The following RNF216 variants were observed in gnomAD, a reference collection of about 807,000 sequenced individuals.
The protein encoded by RNF216 is E3 ubiquitin-protein ligase RNF216.
Under a neutral mutation model 110.8 loss-of-function variants are expected in RNF216, and 72 were observed. That is an observed-to-expected ratio of 0.65 (90% CI 0.54 to 0.79). The LOEUF (loss-of-function observed/expected upper bound fraction) is 0.79, where lower values mean the gene tolerates loss of function less well. Ranked by LOEUF, RNF216 falls within the 30% of genes least tolerant of loss-of-function variation. The pLI is 0.00. For synonymous variants in RNF216, 495 were observed against 407.5 expected (o/e 1.21, Z -2.59); for missense variants, 1,342 against 1,141.2 (o/e 1.18, Z -2.54).
At chr7:5,714,807 T>A (rs1792937811) in intron 11 of RNF216, among the ~76,000 whole-genome samples, 1 of 152,194 alleles carries the variant, frequency 6.6e-6, no homozygotes. Flanking sequence ...AATAAGATGA[T>A]GAACGAAGGA....
At position 5,628,457 on chromosome 7, in the gene RNF216, GT is replaced by G. The variant is rs555295636; in HGVS notation, c.2383-4333del. 5.9e-5 allele frequency among the ~76,000 whole-genome samples: 9 copies of G among 152,072 alleles called. No individual in the cohort carries two copies. In the East Asian group the frequency reaches 9.7e-4, roughly 16 times the overall value. ...TTAATAACTTTAATACAACTTAAAA[GT>G]TTTTTTTCTTTTTTAAAATAAAAAA... On this transcript the variant is annotated intron_variant, in intron 15 of 16. Coordinates refer to ENST00000389902, the MANE Select transcript of RNF216 (RefSeq NM_207111.4).
At chr7:5,651,036 G>T (rs147077353) in intron 14 of RNF216, among the ~76,000 whole-genome samples, 9 of 152,154 alleles carry the variant, frequency 5.9e-5, no homozygotes, top group African/African-American at 2.2e-4. Context: ...AGACCAATGC[G>T]ATACGAGCGG....
In RNF216 at chr7:5,752,849, T is replaced by C. The variant is rs1225004221; in HGVS notation, c.198A>G (p.Thr66=). The C allele has an allele frequency of 5.0e-6, 8 of 1,610,472 alleles. 1 individual carries two copies. The Admixed American group carries it at 6.8e-5, about 14-fold the overall frequency. The change falls in exon 3 of 17, where the codon ACA becomes ACG. Residue 66 remains threonine (T), a synonymous_variant. Coordinates refer to ENST00000389902, the MANE Select transcript of RNF216 (RefSeq NM_207111.4). ...TGTAAGTTTAAAGAAAACTCACTTC[T>C]GTCAGGATGACATCATCATCCAGGT... The part of the protein sequence containing the change: ...EEDLDDDVIL[T]ETNKPQRSRP...
intron 1 of RNF216, among the ~76,000 whole-genome samples, chr7:5,775,612 G>C (rs1796729594): frequency 6.6e-6 from 1 of 151,736 alleles, no homozygotes; most frequent in African/African-American, 2.4e-5. Flanking sequence ...GCTCACACCT[G>C]TAATCCCAAA....
At chr7:5,719,359 C>T (rs1175013078) in intron 9 of RNF216, among the ~76,000 whole-genome samples, 1 of 152,140 alleles carries the variant, frequency 6.6e-6, no homozygotes, top group African/African-American at 2.4e-5. Context: ...CTAAGTAACA[C>T]ATGGAGCTCC....
chr7:5,750,428 T>C (rs1406019400), intron 3 of RNF216, among the ~76,000 whole-genome samples: 1 of 152,224 alleles, frequency 6.6e-6, no homozygotes, highest in Non-Finnish European at 1.5e-5. Flanking sequence ...GGTCTTACTG[T>C]GATTATCTTT....
intron 12 of RNF216, chr7:5,712,048 C>T: frequency 1.8e-6 from 1 of 564,058 alleles, no homozygotes; most frequent in Non-Finnish European, 3.1e-6. Context: ...GAGGTCCTGA[C>T]TGAATATAAA....
chr7:5,668,513 G>T (rs893613630), intron 13 of RNF216, among the ~76,000 whole-genome samples: 4 of 151,986 alleles, frequency 2.6e-5, no homozygotes, highest in Non-Finnish European at 4.4e-5. Context: ...GTGAGCCACC[G>T]TGCCAGGCCA....
intron 5 of RNF216, among the ~76,000 whole-genome samples, chr7:5,738,231 T>A (rs1185591595): frequency 6.6e-6 from 1 of 152,030 alleles, no homozygotes; most frequent in Non-Finnish European, 1.5e-5. Context: ...TTATAAAAAA[T>A]TTTTTTAAAA....
At chr7:5,721,860 T>A (rs781693247) in intron 8 of RNF216, among the ~76,000 whole-genome samples, 2 of 152,268 alleles carry the variant, frequency 1.3e-5, no homozygotes, top group African/African-American at 4.8e-5. Context: ...GAGAGCAGAA[T>A]AACAAATATT....
rs1485364233 is a variant in RNF216 at position 5,623,762 on chromosome 7, G to A, written c.2452+294C>T. Among the ~76,000 whole-genome samples, 3 of 152,182 alleles carry A rather than the reference G, an allele frequency of 2.0e-5. No homozygotes were observed. The East Asian group carries it at 5.8e-4, about 29-fold the overall frequency. On this transcript the variant is annotated intron_variant, in intron 16 of 16. Transcript: ENST00000389902. ...CTGCTTTTCAGCCTCAGAAGGATCA[G>A]CTGGGTCTACTTTTCTTTAGCCAGG...
At chr7:5,750,555 G>T (rs1795276523) in intron 3 of RNF216, among the ~76,000 whole-genome samples, 2 of 152,218 alleles carry the variant, frequency 1.3e-5, no homozygotes, top group African/African-American at 4.8e-5. Context: ...CTGTTAGATA[G>T]CAGGAACCTG....
At chr7:5,773,484 C>A (rs893821579) in intron 1 of RNF216, among the ~76,000 whole-genome samples, 1 of 151,772 alleles carries the variant, frequency 6.6e-6, no homozygotes, top group Non-Finnish European at 1.5e-5. Context: ...CTCGTGATTT[C>A]CCCGCCTTGG....
intron 15 of RNF216, among the ~76,000 whole-genome samples, chr7:5,633,217 T>A (rs958204653): frequency 2.6e-5 from 4 of 151,878 alleles, no homozygotes; most frequent in Admixed American, 2.0e-4. Context: ...GACCTTGTGA[T>A]CCACCCGCCT....
chr7:5,661,702 C>G (rs1352604219), intron 13 of RNF216, among the ~76,000 whole-genome samples: 3 of 152,116 alleles, frequency 2.0e-5, no homozygotes, highest in Admixed American at 6.6e-5. Context: ...ACTTGGGAGG[C>G]TGAGGCATGA....
At chr7:5,734,702 T>C (rs919810374) in intron 5 of RNF216, among the ~76,000 whole-genome samples, 4 of 151,386 alleles carry the variant, frequency 2.6e-5, no homozygotes, top group Admixed American at 6.6e-5. Flanking sequence ...CACATGCCTG[T>C]AATCCCAGCT....
intron 13 of RNF216, among the ~76,000 whole-genome samples, chr7:5,665,042 C>T (rs1002233771): frequency 8.5e-5 from 13 of 152,156 alleles, no homozygotes; most frequent in Non-Finnish European, 1.6e-4. Flanking sequence ...AGGTGATCTG[C>T]CCGCCTCGGC....
At chr7:5,710,692 T>A (rs1322864827) in intron 13 of RNF216, among the ~76,000 whole-genome samples, 1 of 152,168 alleles carries the variant, frequency 6.6e-6, no homozygotes, top group African/African-American at 2.4e-5. Context: ...AGCGTCCACA[T>A]TGCTGCCACT....
chr7:5,739,513 T>C (rs1794629353), intron 4 of RNF216, 161 bp from the exon 5 acceptor site: 1 of 728,934 alleles, frequency 1.4e-6, no homozygotes, highest in African/African-American at 1.7e-5. Context: ...AGTTCCCAGA[T>C]TCATCTGTCT....
Sources: gnomAD v4.1 joint callset for allele counts (sites outside exome capture counted in the v4.1 genomes callset) on GRCh38, gnomAD v4.1.1 for gene constraint, MANE v1.5 for transcripts, NCBI Gene and HGNC (gene_info 2026-07-23, HGNC 2026-07-21) for gene names.